Variants in SLC35F3 observed in about 807,000 individuals in gnomAD.
The protein encoded by SLC35F3 is solute carrier family 35 member F3, also known as putative thiamine transporter SLC35F3.
A neutral mutation model predicts 49.9 loss-of-function variants in SLC35F3; 25 were observed. The observed-to-expected ratio is 0.50, with a 90% confidence interval of 0.37 to 0.70. The LOEUF is 0.70. Ranked by LOEUF, SLC35F3 falls within the 30% of genes least tolerant of loss-of-function variation. The pLI, the probability that SLC35F3 is intolerant of heterozygous loss-of-function variation, is 0.00. For missense variants in SLC35F3, 525 were observed against 639.8 expected (o/e 0.82, Z 1.94); for synonymous variants, 275 against 265.4 (o/e 1.04, Z -0.35).
chr1:234,294,167 A>C (rs187692408), intron 3 of SLC35F3, among the ~76,000 whole-genome samples: 2 of 152,344 alleles, frequency 1.3e-5, no homozygotes, highest in East Asian at 3.9e-4. Flanking sequence ...CTGCATAATT[A>C]GTTGCAGGGA....
At chr1:233,981,665 G>GA (rs57909733) in intron 2 of SLC35F3, among the ~76,000 whole-genome samples, 157 of 138,120 alleles carry the variant, frequency 1.1e-3, no homozygotes, top group Middle Eastern at 7.4e-3. Flanking sequence ...CTTTTCTCTG[G>GA]AAAAAAAAAA....
At chr1:233,998,044 G>A (rs140233141) in intron 2 of SLC35F3, among the ~76,000 whole-genome samples, 4 of 152,150 alleles carry the variant, frequency 2.6e-5, no homozygotes, top group East Asian at 1.9e-4. Context: ...GAGCCACCGC[G>A]CCCAGCCCGT....
chr1:234,172,712 A>G (rs566221344), intron 2 of SLC35F3, among the ~76,000 whole-genome samples: 6 of 152,340 alleles, frequency 3.9e-5, no homozygotes, highest in African/African-American at 1.4e-4. Flanking sequence ...AAACTGGTAC[A>G]GCATGTGACT....
intron 3 of SLC35F3, among the ~76,000 whole-genome samples, chr1:234,284,201 G>A (rs1041581723): frequency 6.6e-6 from 1 of 152,190 alleles, no homozygotes; most frequent in African/African-American, 2.4e-5. Context: ...TACGGTGCCT[G>A]TCCAGATAAT....
intron 3 of SLC35F3, among the ~76,000 whole-genome samples, chr1:234,255,073 A>G (rs1164031236): frequency 6.6e-6 from 1 of 152,248 alleles, no homozygotes; most frequent in Admixed American, 6.5e-5. Context: ...AAGAACATCA[A>G]AAAATTAGCC....
intron 3 of SLC35F3, among the ~76,000 whole-genome samples, chr1:234,280,213 C>T (rs1209798803): frequency 6.6e-6 from 1 of 152,236 alleles, no homozygotes; most frequent in East Asian, 1.9e-4. Context: ...CTGCTTCCTT[C>T]TCAGCCCATG....
intron 2 of SLC35F3, among the ~76,000 whole-genome samples, chr1:233,973,009 A>G (rs1663020208): frequency 6.6e-6 from 1 of 152,158 alleles, no homozygotes; most frequent in Non-Finnish European, 1.5e-5. Flanking sequence ...GGCTCATCAT[A>G]GCTCTGTGTC....
intron 2 of SLC35F3, among the ~76,000 whole-genome samples, chr1:234,174,194 G>C (rs1666443024): frequency 6.6e-6 from 1 of 152,202 alleles, no homozygotes; most frequent in South Asian, 2.1e-4. Flanking sequence ...CTGTGCCAAA[G>C]ATGTGAGATG....
chr1:234,204,091 A>G (rs1666937322), intron 2 of SLC35F3, among the ~76,000 whole-genome samples: 2 of 152,180 alleles, frequency 1.3e-5, no homozygotes, highest in South Asian at 2.1e-4. Context: ...TAAATACACC[A>G]TACTTTATTT....
At chr1:234,002,492 G>T (rs1663568554) in intron 2 of SLC35F3, among the ~76,000 whole-genome samples, 1 of 152,242 alleles carries the variant, frequency 6.6e-6, no homozygotes, top group African/African-American at 2.4e-5. Flanking sequence ...GTAGGAATTT[G>T]TCTGATTTTT....
chr1:234,026,394 T>C (rs1663979229), intron 2 of SLC35F3, among the ~76,000 whole-genome samples: 2 of 152,254 alleles, frequency 1.3e-5, no homozygotes, highest in African/African-American at 4.8e-5. Flanking sequence ...GAAGCTGTTC[T>C]GCTTTACATA....
At chr1:234,302,847 T>C (rs984223957) in intron 3 of SLC35F3, among the ~76,000 whole-genome samples, 1 of 152,102 alleles carries the variant, frequency 6.6e-6, no homozygotes, top group African/African-American at 2.4e-5. Flanking sequence ...AAACTTTACC[T>C]CTCTCTTATG....
At position 233,959,715 on chromosome 1, in the gene SLC35F3, C is replaced by G. The variant is rs151202443; in HGVS notation, c.283+53957C>G. Reference sequence around the variant, plus strand: ...ATCTTTCTTATCTTCTAAGTTTCAGCTGGACCCAAGAAGGTTAAGTGCCTT... The same window carrying G: ...ATCTTTCTTATCTTCTAAGTTTCAGGTGGACCCAAGAAGGTTAAGTGCCTT... On this transcript the variant is annotated intron_variant, in intron 2 of 7. Transcript: ENST00000366618. Among the ~76,000 whole-genome samples, 294 of 152,310 alleles carry G rather than the reference C, an allele frequency of 1.9e-3. 2 individuals are homozygous for G. The highest frequency in any genetic ancestry group is 6.7e-3 in the African/African-American group (279 of 41,556).
chr1:234,306,645 C>G (rs577301583), intron 3 of SLC35F3: 9 of 152,302 alleles, frequency 5.9e-5, no homozygotes, highest in Admixed American at 4.6e-4. Flanking sequence ...AAAGGGCCAG[C>G]AGGACTCTGC....
At chr1:234,025,769 T>A (rs906593928) in intron 2 of SLC35F3, among the ~76,000 whole-genome samples, 6 of 152,218 alleles carry the variant, frequency 3.9e-5, no homozygotes, top group Non-Finnish European at 8.8e-5. Flanking sequence ...AGGTCGTCTG[T>A]TTACTCTGTT....
chr1:234,309,351 C>T (rs1657293286), intron 4 of SLC35F3, 31 bp downstream of exon 4: 1 of 1,600,950 alleles, frequency 6.2e-7, no homozygotes, highest in Non-Finnish European at 8.6e-7. Context: ...CTTCCTCCCT[C>T]ACTCAGTCAT....
Position 234,247,812 on chromosome 1 carries a change from T to TTGATGG in SLC35F3, c.608+16072_608+16073insGATGGT, listed in dbSNP as rs1274982498. Among the ~76,000 whole-genome samples, 2 of 140,330 alleles carry TTGATGG rather than the reference T, an allele frequency of 1.4e-5. 1 individual carries two copies. The allele number at this position is 140,330 out of a possible 152,430, so 92.1% of individuals were successfully genotyped here. A position where few individuals can be genotyped will look rare whatever the true frequency, so the allele number is the denominator to read the frequency against. On this transcript the variant is annotated intron_variant, in intron 3 of 7. Coordinates refer to ENST00000366618, the MANE Select transcript of SLC35F3 (RefSeq NM_173508.4). ...GTGGGTTGGTTGGCTGGTCCATTGTTTCATGGGTCAGTTGGCTGGTGCATT... is the reference window on the plus strand; with the variant it reads ...GTGGGTTGGTTGGCTGGTCCATTGTTTGATGGTCATGGGTCAGTTGGCTGGTGCATT...
chr1:234,298,063 T>G (rs546174586), intron 3 of SLC35F3, among the ~76,000 whole-genome samples: 165 of 152,334 alleles, frequency 1.1e-3, no homozygotes, highest in African/African-American at 3.6e-3. Context: ...GGGTGTGTAC[T>G]TACTCCAAAC....
intron 3 of SLC35F3, among the ~76,000 whole-genome samples, chr1:234,290,401 T>A (rs1668487457): frequency 6.6e-6 from 1 of 152,240 alleles, no homozygotes. Flanking sequence ...TATATCAGAC[T>A]GAGACATATT....
Sources: allele counts gnomAD v4.1 joint callset (sites outside exome capture counted in the v4.1 genomes callset), GRCh38; gene constraint gnomAD v4.1.1; transcripts MANE v1.5; gene names NCBI Gene and HGNC (gene_info 2026-07-23, HGNC 2026-07-21).